The following MEGF11 variants were observed in gnomAD, a reference collection of about 807,000 sequenced individuals.
MEGF11 encodes multiple EGF like domains 11, also known as multiple epidermal growth factor-like domains protein 11.
A neutral mutation model predicts 146.6 loss-of-function variants in MEGF11; 126 were observed. The ratio of observed to expected loss-of-function variants is 0.86; its 90% CI spans 0.74 to 1.00. MEGF11 has a LOEUF of 1.00. Among genes scored for constraint, MEGF11 ranks in the 50% least tolerant of loss-of-function variants. MEGF11 has a pLI of 0.00. For synonymous variants in MEGF11, 532 were observed against 583.4 expected (o/e 0.91, Z 1.27); for missense variants, 1,509 against 1,521.2 (o/e 0.99, Z 0.13).
chr15:66,130,598 A>C (rs542648600), intron 1 of MEGF11, among the ~76,000 whole-genome samples: 1 of 152,034 alleles, frequency 6.6e-6, no homozygotes, highest in Non-Finnish European at 1.5e-5. Flanking sequence ...CATGAAAAGA[A>C]AGAGAGAGAG....
chr15:65,914,216 A>ATT, intron 19 of MEGF11: 1 of 557,758 alleles, frequency 1.8e-6, no homozygotes. Context: ...AATAAATATT[A>ATT]TTTTACTCTG....
At chr15:65,958,322 C>T (rs2080731028) in intron 9 of MEGF11, among the ~76,000 whole-genome samples, 1 of 152,250 alleles carries the variant, frequency 6.6e-6, no homozygotes, top group African/African-American at 2.4e-5. Context: ...TCTTCTCCAT[C>T]TCCTGTTTAG....
intron 13 of MEGF11, among the ~76,000 whole-genome samples, chr15:65,924,929 A>G (rs1358163638): frequency 6.6e-6 from 1 of 152,086 alleles, no homozygotes; most frequent in East Asian, 1.9e-4. Context: ...GTGCTGGCCT[A>G]GGATTTCTTT....
At chr15:65,926,336 C>T (rs2079371518) in intron 13 of MEGF11, among the ~76,000 whole-genome samples, 1 of 152,226 alleles carries the variant, frequency 6.6e-6, no homozygotes, top group East Asian at 1.9e-4. Context: ...ATCTTTAAAG[C>T]CTCCCCCACT....
At chr15:65,922,141 T>G in intron 15 of MEGF11, 197 bp downstream of exon 15, 8 of 615,312 alleles carry the variant, frequency 1.3e-5, no homozygotes, top group Non-Finnish European at 2.0e-5. Flanking sequence ...TTCACTTCTG[T>G]GAGGCTGTTA....
chr15:65,898,046 T>C lies in MEGF11; in HGVS notation c.3311A>G (p.Tyr1104Cys). 6.2e-7 allele frequency: 1 copy of C among 1,613,880 alleles called. No homozygotes were observed. Among genetic ancestry groups the C allele is most frequent in the Admixed American group, 1.7e-5 (1 of 60,002 alleles). ...AGGTAGGTCGTATGCATTCTGGATA[T>C]AGCTGGAGTTATGACCGCAACCTTC... ...VQEGCGHNSS[Y>C]IQNAYDLPRN... The change falls in exon 26 of 26, where the codon TAT becomes TGT. Residue 1104 changes from tyrosine to cysteine, a missense_variant. Tyr to Cys is a radical substitution (Grantham distance 194). Transcript: ENST00000395614.
intron 5 of MEGF11, among the ~76,000 whole-genome samples, chr15:66,032,093 A>G (rs1295987234): frequency 2.0e-5 from 3 of 152,192 alleles, no homozygotes; most frequent in South Asian, 2.1e-4. Context: ...TCTGGCATAG[A>G]ACAGTTCCAT....
At chr15:66,144,423 A>C (rs557022589) in intron 1 of MEGF11, among the ~76,000 whole-genome samples, 16 of 152,250 alleles carry the variant, frequency 1.1e-4, no homozygotes, top group African/African-American at 3.9e-4. Flanking sequence ...GGTACCCAGC[A>C]TGGGTACCCC....
chr15:66,202,900 C>T (rs1056410454), intron 1 of MEGF11, among the ~76,000 whole-genome samples: 3 of 152,196 alleles, frequency 2.0e-5, no homozygotes, highest in East Asian at 1.9e-4. Flanking sequence ...TTATTTCAGC[C>T]GTGCTGACCT....
chr15:66,232,854 AG>A (rs764658458), intron 1 of MEGF11, among the ~76,000 whole-genome samples: 21 of 152,182 alleles, frequency 1.4e-4, no homozygotes, highest in Non-Finnish European at 2.5e-4. Context: ...GATGAGTAAA[AG>A]TATCACCATT....
intron 4 of MEGF11, among the ~76,000 whole-genome samples, chr15:66,101,395 C>A (rs2086802391): frequency 6.6e-6 from 1 of 152,178 alleles, no homozygotes; most frequent in Admixed American, 6.5e-5. Context: ...CCAGCTCTCC[C>A]ACCACTTACT....
chr15:66,060,262 C>T (rs2084848727), intron 5 of MEGF11, among the ~76,000 whole-genome samples: 1 of 151,990 alleles, frequency 6.6e-6, no homozygotes, highest in African/African-American at 2.4e-5. Flanking sequence ...AAAAGCTGCC[C>T]CAGAAGTGGT....
intron 10 of MEGF11, among the ~76,000 whole-genome samples, chr15:65,952,923 C>A (rs761619871): frequency 6.6e-6 from 1 of 152,200 alleles, no homozygotes; most frequent in Non-Finnish European, 1.5e-5. Context: ...GCTCTCTTCC[C>A]ACCCCCATCT....
intron 5 of MEGF11, among the ~76,000 whole-genome samples, chr15:65,999,612 G>A (rs576810432): frequency 1.3e-5 from 2 of 152,136 alleles, no homozygotes; most frequent in South Asian, 2.1e-4. Context: ...TTCACTCCTC[G>A]GGTCTCAGTT....
chr15:66,016,479 GTTTT>G lies in MEGF11; in HGVS notation c.395-33995_395-33992del, dbSNP rs58588643. 5.3e-3 allele frequency among the ~76,000 whole-genome samples: 682 copies of G among 127,688 alleles called. 5 individuals are homozygous for G. The highest frequency in any genetic ancestry group is 0.019 in the African/African-American group (643 of 33,874). The allele number at this position is 127,688 out of a possible 152,430, so 83.8% of individuals were successfully genotyped here. ...AAAGACTCTGCTTTCCATCCATTCA[GTTTT>G]TTTTTTTTTTTTTTTTGGAAGCAAG... is the stretch of plus-strand genomic sequence containing the variant. On this transcript the variant is annotated intron_variant, in intron 5 of 25. Coordinates refer to ENST00000395614, the MANE Select transcript of MEGF11 (RefSeq NM_001385028.1).
intron 10 of MEGF11, among the ~76,000 whole-genome samples, chr15:65,952,853 A>G (rs772503604): frequency 3.9e-5 from 6 of 152,214 alleles, no homozygotes; most frequent in Non-Finnish European, 7.3e-5. Flanking sequence ...AGTGCAATTT[A>G]CCAATGCATA....
At chr15:66,126,563 G>A (rs901911103) in intron 2 of MEGF11, among the ~76,000 whole-genome samples, 1 of 152,234 alleles carries the variant, frequency 6.6e-6, no homozygotes, top group Non-Finnish European at 1.5e-5. Context: ...AAGTCAGAGG[G>A]GGCCCTCCCT....
intron 25 of MEGF11, 26 bp downstream of exon 25, chr15:65,898,702 C>G: frequency 6.2e-7 from 1 of 1,611,736 alleles, no homozygotes; most frequent in Non-Finnish European, 8.5e-7. Context: ...CCTGATTTCA[C>G]TAAGTTACTT....
chr15:66,252,162 G>A (rs2140275503), intron 1 of MEGF11, among the ~76,000 whole-genome samples: 1 of 152,290 alleles, frequency 6.6e-6, no homozygotes, highest in African/African-American at 2.4e-5. Context: ...CCGGGAACGA[G>A]TGGGACTGAG....
Sources: gnomAD v4.1 joint callset for allele counts (sites outside exome capture counted in the v4.1 genomes callset) on GRCh38, gnomAD v4.1.1 for gene constraint, MANE v1.5 for transcripts, NCBI Gene and HGNC (gene_info 2026-07-23, HGNC 2026-07-21) for gene names.